FNDC3A: variants seen among roughly 807,000 people sequenced by gnomAD.
FNDC3A encodes fibronectin type III domain containing 3A, also known as fibronectin type-III domain-containing protein 3A.
Under a neutral mutation model 148.9 loss-of-function variants are expected in FNDC3A, and 32 were observed. The observed-to-expected ratio is 0.21, with a 90% CI of 0.16 to 0.29. The LOEUF (loss-of-function observed/expected upper bound fraction) is 0.29. Ranked by LOEUF, FNDC3A falls within the 10% of genes least tolerant of loss-of-function variation. The probability of loss-of-function intolerance (pLI) is 1.00; values close to 1 mark genes in which losing one functional copy is unlikely to be tolerated. For synonymous variants in FNDC3A, 472 were observed against 473.6 expected, an observed-to-expected ratio of 1.00 and a Z score of 0.04; for missense variants, 1,191 against 1,452.8, an observed-to-expected ratio of 0.82 and a Z score of 2.93.
chr13:49,168,436 AAG>A (rs1237392405), intron 9 of FNDC3A, among the ~76,000 whole-genome samples, 175 bp from the exon 10 acceptor site: 1 of 152,158 alleles, frequency 6.6e-6, no homozygotes, highest in African/African-American at 2.4e-5. Flanking sequence ...TGCAGCAAAA[AAG>A]AAAAAAAAAC....
chr13:49,040,733 A>G (rs942479981), intron 2 of FNDC3A, among the ~76,000 whole-genome samples: 1 of 152,228 alleles, frequency 6.6e-6, no homozygotes, highest in African/African-American at 2.4e-5. Flanking sequence ...GTATATTTGT[A>G]AAAGGTGCTC....
At chr13:49,165,835 T>C (rs930863524) in intron 8 of FNDC3A, among the ~76,000 whole-genome samples, 3 of 152,094 alleles carry the variant, frequency 2.0e-5, no homozygotes, top group Non-Finnish European at 4.4e-5. Flanking sequence ...GGCAAGCCAG[T>C]CCCCAGGCCC....
chr13:49,137,918 A>C (rs190574125), intron 6 of FNDC3A, among the ~76,000 whole-genome samples: 260 of 152,328 alleles, frequency 1.7e-3, no homozygotes, highest in African/African-American at 6.0e-3. Context: ...TCAGGTTCTA[A>C]AGGTTTCATC....
chr13:49,168,109 A>G (rs1884571614), intron 9 of FNDC3A, among the ~76,000 whole-genome samples: 1 of 152,164 alleles, frequency 6.6e-6, no homozygotes, highest in Non-Finnish European at 1.5e-5. Flanking sequence ...AATATAACAC[A>G]TTTAGTTAAT....
chr13:48,979,250 A>C (rs1024502830), intron 1 of FNDC3A, among the ~76,000 whole-genome samples: 2 of 152,160 alleles, frequency 1.3e-5, no homozygotes, highest in Non-Finnish European at 2.9e-5. Flanking sequence ...CCTTCCTTCA[A>C]GTAGTTTACA....
intron 1 of FNDC3A, among the ~76,000 whole-genome samples, chr13:49,003,740 C>T (rs534909424): frequency 3.9e-5 from 6 of 151,970 alleles, no homozygotes; most frequent in Admixed American, 1.3e-4. Context: ...TAATTTGACA[C>T]TAATTAAAAT....
intron 3 of FNDC3A, among the ~76,000 whole-genome samples, chr13:49,112,276 A>T (rs957346841): frequency 1.3e-5 from 2 of 152,218 alleles, no homozygotes; most frequent in Admixed American, 1.3e-4. Context: ...TGTAAGTAAT[A>T]CCTAAGCCAC....
chr13:49,031,315 G>A (rs1874103842), intron 2 of FNDC3A, among the ~76,000 whole-genome samples: 1 of 151,302 alleles, frequency 6.6e-6, no homozygotes, highest in South Asian at 2.1e-4. Context: ...CCGGGAAGCA[G>A]AGGTTGCAGT....
At chr13:49,164,533 C>G (rs1884348197) in intron 8 of FNDC3A, among the ~76,000 whole-genome samples, 1 of 152,036 alleles carries the variant, frequency 6.6e-6, no homozygotes, top group Non-Finnish European at 1.5e-5. Context: ...GTTTAGGATA[C>G]CAAAAATTCA....
chr13:48,979,180 T>C (rs116564891), intron 1 of FNDC3A, among the ~76,000 whole-genome samples: 1,884 of 152,298 alleles, frequency 0.012, 27 homozygotes, highest in African/African-American at 0.034. Flanking sequence ...GGAGATGTCA[T>C]GTGCTTGCAG....
intron 2 of FNDC3A, among the ~76,000 whole-genome samples, chr13:49,010,844 A>G (rs1223873362): frequency 1.3e-5 from 2 of 152,236 alleles, no homozygotes; most frequent in Non-Finnish European, 2.9e-5. Flanking sequence ...ATACTTCACT[A>G]TACAACAATA....
intron 3 of FNDC3A, among the ~76,000 whole-genome samples, chr13:49,110,697 C>A (rs1302702531): frequency 6.6e-6 from 1 of 151,922 alleles, no homozygotes; most frequent in African/African-American, 2.4e-5. Flanking sequence ...TGAACGCTGG[C>A]TTATAGAGAA....
chr13:49,022,625 C>G (rs1291714713), intron 2 of FNDC3A, among the ~76,000 whole-genome samples: 3 of 152,058 alleles, frequency 2.0e-5, no homozygotes, highest in Non-Finnish European at 4.4e-5. Context: ...AATTTTGTGC[C>G]TCAGAATTCT....
intron 2 of FNDC3A, among the ~76,000 whole-genome samples, chr13:49,071,728 T>TG (rs1464763042): frequency 4.7e-5 from 1 of 21,214 alleles, no homozygotes; most frequent in African/African-American, 1.0e-4. Context: ...GATTATTTGG[T>TG]TTTTTTTTTT....
intron 2 of FNDC3A, among the ~76,000 whole-genome samples, chr13:49,064,799 C>CTA (rs1361021335): frequency 6.6e-6 from 1 of 152,116 alleles, no homozygotes; most frequent in Non-Finnish European, 1.5e-5. Flanking sequence ...TTCCAACTGA[C>CTA]TAGATGACCA....
At chr13:49,141,054 C>A (rs1442715152) in intron 7 of FNDC3A, among the ~76,000 whole-genome samples, 2 of 152,148 alleles carry the variant, frequency 1.3e-5, no homozygotes, top group Non-Finnish European at 2.9e-5. Context: ...AAAGCTCACT[C>A]ATGTGACCAG....
At chr13:49,177,961 A>G (rs1166890024) in intron 13 of FNDC3A, among the ~76,000 whole-genome samples, 1 of 152,216 alleles carries the variant, frequency 6.6e-6, no homozygotes, top group Non-Finnish European at 1.5e-5. Flanking sequence ...TTGTGAATAC[A>G]CTATAAGCCA....
intron 3 of FNDC3A, among the ~76,000 whole-genome samples, chr13:49,114,410 T>TCCCCCCCCCCCCCCCCCCCCACCC (rs71188346): frequency 1.2e-5 from 1 of 81,710 alleles, no homozygotes; most frequent in Non-Finnish European, 2.7e-5. Flanking sequence ...CCCTCCAACC[T>TCCCCCCCCCCCCCCCCCCCCACCC]CCCCGCCCCC....
At chr13:49,027,694 A>G (rs1391208310) in intron 2 of FNDC3A, among the ~76,000 whole-genome samples, 1 of 152,144 alleles carries the variant, frequency 6.6e-6, no homozygotes, top group Non-Finnish European at 1.5e-5. Flanking sequence ...AGAAAAAATA[A>G]CTCAAAAGAA....
Sources: allele counts gnomAD v4.1 joint callset (sites outside exome capture counted in the v4.1 genomes callset), GRCh38; gene constraint gnomAD v4.1.1; transcripts MANE v1.5; gene names NCBI Gene and HGNC (gene_info 2026-07-23, HGNC 2026-07-21).